Variants in LRP1B observed in about 807,000 individuals in gnomAD.
LRP1B encodes the protein low-density lipoprotein receptor-related protein 1B.
LRP1B carries 217 observed loss-of-function variants against 556.6 expected under a neutral mutation model. The ratio of observed to expected loss-of-function variants is 0.39; its 90% confidence interval spans 0.35 to 0.44. The LOEUF (loss-of-function observed/expected upper bound fraction) is 0.44, where lower values mean the gene tolerates loss of function less well. LRP1B is among the 20% of genes least tolerant of loss of function. The pLI is 1.00. For missense variants in LRP1B, 5,053 were observed against 5,620.8 expected (o/e 0.90, Z 3.23); for synonymous variants, 2,047 against 1,865.8 (o/e 1.10, Z -2.50).
At position 141,540,329 on chromosome 2, in the gene LRP1B, C is replaced by T. The variant is rs927442491; in HGVS notation, c.206-59796G>A. Among the ~76,000 whole-genome samples, 8 of 152,016 alleles carry T rather than the reference C, an allele frequency of 5.3e-5. No individual in the cohort carries two copies. In the East Asian group the frequency reaches 5.8e-4, roughly 11 times the overall value. On this transcript the variant is annotated intron_variant, in intron 2 of 90. Transcript: ENST00000389484. ...AAAAAGCATAAAAACATCACACCCTCATATTGACCGACAGATACAATATTG... is the reference window on the plus strand; with the variant it reads ...AAAAAGCATAAAAACATCACACCCTTATATTGACCGACAGATACAATATTG...
intron 6 of LRP1B, among the ~76,000 whole-genome samples, chr2:141,199,262 T>C (rs2105220803): frequency 6.6e-6 from 1 of 152,304 alleles, no homozygotes; most frequent in Admixed American, 6.5e-5. Context: ...TTAGCTCAAT[T>C]TTATGTTAAA....
intron 54 of LRP1B, among the ~76,000 whole-genome samples, chr2:140,502,376 A>G (rs1689237308): frequency 6.6e-6 from 1 of 152,024 alleles, no homozygotes; most frequent in Non-Finnish European, 1.5e-5. Context: ...AAATACAGCT[A>G]TGGAAAATAG....
chr2:141,183,341 TAAC>T (rs1473807820), intron 7 of LRP1B, among the ~76,000 whole-genome samples: 1 of 152,038 alleles, frequency 6.6e-6, no homozygotes, highest in Non-Finnish European at 1.5e-5. Context: ...CAACTTCACA[TAAC>T]AACCCAGATT....
intron 53 of LRP1B, among the ~76,000 whole-genome samples, chr2:140,503,950 C>T (rs922553672): frequency 6.6e-6 from 1 of 152,036 alleles, no homozygotes; most frequent in Non-Finnish European, 1.5e-5. Flanking sequence ...AATGGTTAAA[C>T]TAGATAGTTC....
At chr2:141,669,841 G>C (rs1004616050) in intron 2 of LRP1B, among the ~76,000 whole-genome samples, 1 of 152,012 alleles carries the variant, frequency 6.6e-6, no homozygotes, top group African/African-American at 2.4e-5. Context: ...TGCAACCTCT[G>C]TCTCCCAGAC....
intron 84 of LRP1B, among the ~76,000 whole-genome samples, chr2:140,281,964 G>A (rs1336922903): frequency 6.6e-6 from 1 of 150,906 alleles, no homozygotes; most frequent in Non-Finnish European, 1.5e-5. Flanking sequence ...AACTTTTGAT[G>A]AATACTTATA....
At chr2:141,100,123 C>G (rs1419085292) in intron 7 of LRP1B, among the ~76,000 whole-genome samples, 1 of 152,066 alleles carries the variant, frequency 6.6e-6, no homozygotes, top group African/African-American at 2.4e-5. Flanking sequence ...CAAAATGAAG[C>G]CAAATGACAA....
chr2:140,723,809 T>C (rs1687498048), intron 35 of LRP1B, among the ~76,000 whole-genome samples: 1 of 152,204 alleles, frequency 6.6e-6, no homozygotes, highest in Non-Finnish European at 1.5e-5. Flanking sequence ...TATATTAGCA[T>C]AGTTGGTGAG....
intron 41 of LRP1B, among the ~76,000 whole-genome samples, chr2:140,674,714 CTGAGACTGTGCCTCTGACCA>C (rs1201121650): frequency 3.3e-5 from 5 of 152,202 alleles, no homozygotes; most frequent in African/African-American, 1.2e-4. Context: ...TCAGGACCTC[CTGAGACTGTGCCTCTGACCA>C]TGGTCACTCA....
chr2:141,912,270 T>G (rs1437691057), intron 1 of LRP1B, among the ~76,000 whole-genome samples: 1 of 152,208 alleles, frequency 6.6e-6, no homozygotes, highest in Non-Finnish European at 1.5e-5. Context: ...TGGGACTTTT[T>G]ATGTATAATT....
chr2:141,273,116 C>A (rs1460337956), intron 3 of LRP1B, among the ~76,000 whole-genome samples: 2 of 152,086 alleles, frequency 1.3e-5, no homozygotes, highest in Non-Finnish European at 2.9e-5. Flanking sequence ...CGAGACCAGC[C>A]TGGCCAATTT....
Position 141,115,197 on chromosome 2 carries a change from C to G in LRP1B, c.1014-52924G>C, listed in dbSNP as rs544845326. Among the ~76,000 whole-genome samples the G allele has an allele frequency of 1.1e-4, 17 of 151,682 alleles. No homozygotes were observed. The South Asian group carries it at 3.1e-3, about 28-fold the overall frequency. The stretch of plus-strand genomic sequence containing the variant: ...TGGACTTTCAAGGATTATAGTTACT[C>G]GAAGCCATATCTTAAACATGGCCTT... On this transcript the variant is annotated intron_variant, in intron 7 of 90. Coordinates refer to ENST00000389484, the MANE Select transcript of LRP1B (RefSeq NM_018557.3).
At chr2:141,848,064 T>G (rs777712905) in intron 1 of LRP1B, among the ~76,000 whole-genome samples, 38 of 151,508 alleles carry the variant, frequency 2.5e-4, no homozygotes, top group African/African-American at 8.7e-4. Context: ...AAGGAGAATA[T>G]AGAGAGATGA....
intron 43 of LRP1B, among the ~76,000 whole-genome samples, chr2:140,546,063 C>T (rs1272629004): frequency 6.7e-6 from 1 of 148,382 alleles, no homozygotes; most frequent in East Asian, 2.1e-4. Context: ...GGGACTGCAT[C>T]TCTGATTTGG....
At chr2:142,035,991 A>G (rs1703863640) in intron 1 of LRP1B, among the ~76,000 whole-genome samples, 1 of 151,620 alleles carries the variant, frequency 6.6e-6, no homozygotes, top group Admixed American at 6.6e-5. Flanking sequence ...TGTTGCCACC[A>G]TGTAAGAAGT....
chr2:140,582,019 T>G (rs1429389287), intron 43 of LRP1B, among the ~76,000 whole-genome samples: 2 of 152,146 alleles, frequency 1.3e-5, no homozygotes, highest in Non-Finnish European at 2.9e-5. Flanking sequence ...GCCAAAATTA[T>G]GAAGATTCTC....
chr2:141,794,921 C>A (rs1007573236), intron 2 of LRP1B, among the ~76,000 whole-genome samples: 1 of 152,004 alleles, frequency 6.6e-6, no homozygotes, highest in Non-Finnish European at 1.5e-5. Flanking sequence ...TTATTTTTAT[C>A]AGAGCTTGGA....
intron 2 of LRP1B, among the ~76,000 whole-genome samples, chr2:141,482,987 A>G (rs1682979411): frequency 1.4e-5 from 2 of 145,798 alleles, no homozygotes; most frequent in African/African-American, 4.9e-5. Context: ...TTATACTTTA[A>G]GTTTTAGGGT....
intron 37 of LRP1B, among the ~76,000 whole-genome samples, chr2:140,704,845 T>C (rs1398743066): frequency 1.3e-5 from 2 of 152,146 alleles, no homozygotes; most frequent in East Asian, 1.9e-4. Context: ...GTTAATCTAC[T>C]TGCAAATGCA....
Sources: allele counts gnomAD v4.1 joint callset (sites outside exome capture counted in the v4.1 genomes callset), GRCh38; gene constraint gnomAD v4.1.1; transcripts MANE v1.5; gene names NCBI Gene and HGNC (gene_info 2026-07-23, HGNC 2026-07-21).